The following GPAT3 variants were observed in gnomAD, a reference collection of about 807,000 sequenced individuals.
The protein encoded by GPAT3 is 1-AGP acyltransferase 9.
Under a neutral mutation model 58.8 loss-of-function variants are expected in GPAT3, and 53 were observed. The observed-to-expected ratio is 0.90, with a 90% confidence interval of 0.72 to 1.13. The LOEUF (loss-of-function observed/expected upper bound fraction) is 1.13, where lower values mean the gene tolerates loss of function less well. Among genes scored for constraint, GPAT3 ranks in the 50% most tolerant of loss-of-function variants. The probability of loss-of-function intolerance (pLI) is 0.00; values close to 1 mark genes in which losing one functional copy is unlikely to be tolerated. For synonymous variants in GPAT3, 197 were observed against 187.4 expected (o/e 1.05, Z -0.42); for missense variants, 511 against 527.6 (o/e 0.97, Z 0.31).
At chr4:83,601,083 T>C (rs1482054520) in intron 11 of GPAT3, among the ~76,000 whole-genome samples, 1 of 152,214 alleles carries the variant, frequency 6.6e-6, no homozygotes, top group Non-Finnish European at 1.5e-5. Context: ...TGGCTAGATA[T>C]TACACAGTAA....
intron 11 of GPAT3, among the ~76,000 whole-genome samples, chr4:83,603,246 C>G (rs1416244816): frequency 1.3e-5 from 2 of 152,186 alleles, no homozygotes; most frequent in Non-Finnish European, 2.9e-5. Context: ...TATGATAGTC[C>G]AAACTACTCC....
At chr4:83,570,423 T>C (rs1725558184) in intron 2 of GPAT3, among the ~76,000 whole-genome samples, 2 of 152,098 alleles carry the variant, frequency 1.3e-5, no homozygotes, top group South Asian at 4.1e-4. Flanking sequence ...GAAGATAGGA[T>C]TGGCTAGAGC....
At chr4:83,578,121 A>G (rs1325496606) in intron 2 of GPAT3, among the ~76,000 whole-genome samples, 1 of 152,074 alleles carries the variant, frequency 6.6e-6, no homozygotes, top group Non-Finnish European at 1.5e-5. Context: ...TTGAGTTTGC[A>G]TTTCTTTCAT....
intron 2 of GPAT3, among the ~76,000 whole-genome samples, chr4:83,554,771 TC>T (rs1724887153): frequency 6.6e-6 from 1 of 151,866 alleles, no homozygotes; most frequent in Admixed American, 6.6e-5. Context: ...TGACTCCTCT[TC>T]TACACATGGA....
intron 2 of GPAT3, among the ~76,000 whole-genome samples, chr4:83,558,678 G>T (rs774109199): frequency 5.9e-5 from 9 of 152,102 alleles, no homozygotes; most frequent in Non-Finnish European, 1.0e-4. Context: ...TTATAGAAGG[G>T]ACAAAACATA....
At chr4:83,580,025 T>C (rs893564075) in intron 2 of GPAT3, among the ~76,000 whole-genome samples, 1 of 152,226 alleles carries the variant, frequency 6.6e-6, no homozygotes, top group East Asian at 1.9e-4. Flanking sequence ...TTCTTTGTAG[T>C]CTAATGTCAG....
intron 1 of GPAT3, 41 bp downstream of exon 1, chr4:83,536,804 G>A (rs1397037365): frequency 6.4e-7 from 1 of 1,566,504 alleles, no homozygotes; most frequent in Middle Eastern, 1.8e-4. Flanking sequence ...ACACCGCTGC[G>A]GGCTGAGAAC....
intron 1 of GPAT3, among the ~76,000 whole-genome samples, chr4:83,541,393 C>CTTTTTT (rs777665390): frequency 1.9e-4 from 22 of 113,692 alleles, no homozygotes; most frequent in Non-Finnish European, 2.6e-4. Context: ...AATTTAAAAC[C>CTTTTTT]TTTTTTTTTT....
At chr4:83,545,432 T>C (rs1724471346) in intron 2 of GPAT3, among the ~76,000 whole-genome samples, 1 of 141,738 alleles carries the variant, frequency 7.1e-6, no homozygotes, top group African/African-American at 2.6e-5. Context: ...GGCAATACAG[T>C]GAGACCTCAT....
At chr4:83,546,369 C>T (rs146592093) in intron 2 of GPAT3, among the ~76,000 whole-genome samples, 4 of 141,542 alleles carry the variant, frequency 2.8e-5, no homozygotes, top group Admixed American at 7.4e-5. Context: ...GGTCTAGTAG[C>T]GTGGATTTAG....
At chr4:83,571,575 A>G (rs1725605426) in intron 2 of GPAT3, among the ~76,000 whole-genome samples, 1 of 151,718 alleles carries the variant, frequency 6.6e-6, no homozygotes, top group Admixed American at 6.6e-5. Flanking sequence ...TAGACATTGC[A>G]GAAGTATAAA....
chr4:83,564,746 A>G (rs1175460451), intron 2 of GPAT3, among the ~76,000 whole-genome samples: 2 of 152,134 alleles, frequency 1.3e-5, no homozygotes, highest in African/African-American at 4.8e-5. Context: ...TGAGAGACAA[A>G]TATTTGTTTC....
intron 3 of GPAT3, among the ~76,000 whole-genome samples, chr4:83,582,439 G>A (rs1404552032): frequency 6.6e-6 from 1 of 152,228 alleles, no homozygotes; most frequent in Non-Finnish European, 1.5e-5. Flanking sequence ...CTAGTTTATG[G>A]AAAGCACGAT....
At chr4:83,579,742 A>G (rs921866575) in intron 2 of GPAT3, among the ~76,000 whole-genome samples, 1 of 152,216 alleles carries the variant, frequency 6.6e-6, no homozygotes, top group Non-Finnish European at 1.5e-5. Flanking sequence ...TATAAAAGAC[A>G]TCAGTCATGG....
rs117364140 is a variant in GPAT3 at position 83,594,803 on chromosome 4, C to T, written c.739-42C>T. On this transcript the variant is annotated intron_variant, in intron 6 of 11. Coordinates refer to ENST00000264409, the MANE Select transcript of GPAT3 (RefSeq NM_032717.5). ...TACTTAAAAAACTTTCTTTGCACAA[C>T]GGTGCCTTTTACGTTTTTTCCTTTT... 5.1e-5 allele frequency: 78 copies of T among 1,544,108 alleles called. 1 individual carries two copies. Among genetic ancestry groups the T allele is most frequent in the South Asian group, 2.8e-4 (25 of 88,380 alleles).
chr4:83,592,497 A>G (rs4693633), intron 6 of GPAT3, among the ~76,000 whole-genome samples: 34,174 of 152,124 alleles, frequency 0.22, 4,710 homozygotes, highest in South Asian at 0.35. Flanking sequence ...TAATTGACAA[A>G]TAAAAATTAT....
Position 83,579,791 on chromosome 4 carries a change from C to T in GPAT3, c.209-1771C>T, listed in dbSNP as rs142183718. ...CCTAAACAGGACTTGGCTTTTGACT[C>T]CAGGTCCTCTTTCCTTTCTCCTCTA... On this transcript the variant is annotated intron_variant, in intron 2 of 11. Coordinates refer to ENST00000264409, the MANE Select transcript of GPAT3 (RefSeq NM_032717.5). 4.3e-4 allele frequency among the ~76,000 whole-genome samples: 66 copies of T among 152,290 alleles called. 1 individual carries two copies. Among genetic ancestry groups the T allele is most frequent in the African/African-American group, 1.5e-3 (63 of 41,562 alleles).
chr4:83,575,195 C>A (rs1725762229), intron 2 of GPAT3, among the ~76,000 whole-genome samples: 1 of 151,956 alleles, frequency 6.6e-6, no homozygotes, highest in Non-Finnish European at 1.5e-5. Flanking sequence ...TTCTTGATGC[C>A]AAAACAAGTA....
intron 3 of GPAT3, among the ~76,000 whole-genome samples, chr4:83,587,051 T>G (rs1726401672): frequency 6.6e-6 from 1 of 152,262 alleles, no homozygotes; most frequent in Non-Finnish European, 1.5e-5. Context: ...TGAAACTTAC[T>G]TTGCTTTTTG....
Sources: gnomAD v4.1 joint callset for allele counts (sites outside exome capture counted in the v4.1 genomes callset) on GRCh38, gnomAD v4.1.1 for gene constraint, MANE v1.5 for transcripts, NCBI Gene and HGNC (gene_info 2026-07-23, HGNC 2026-07-21) for gene names.